Variants in ANO9 observed in about 807,000 individuals in gnomAD.
The protein encoded by ANO9 is anoctamin-9.
In ANO9, 80 loss-of-function variants were observed where a neutral mutation model predicts 100.5. That is an observed-to-expected ratio of 0.80 (90% confidence interval 0.66 to 0.96). ANO9 has a LOEUF of 0.96. Ranked by LOEUF, ANO9 falls within the 40% of genes least tolerant of loss-of-function variation. The probability of loss-of-function intolerance (pLI) is 0.00; values close to 1 mark genes in which losing one functional copy is unlikely to be tolerated. For missense variants in ANO9, 1,064 were observed against 1,072.7 expected, an observed-to-expected ratio of 0.99 and a Z score of 0.11; for synonymous variants, 473 against 435.6, an observed-to-expected ratio of 1.09 and a Z score of -1.07.
rs1428377220 is a variant in ANO9 at position 420,992 on chromosome 11, G to A, written c.1443C>T (p.Ile481=). Residue 481 remains isoleucine, a synonymous_variant, in exon 17 of 23, where the codon ATC becomes ATT. Transcript: ENST00000332826. Reference sequence around the variant, plus strand: ...TGCTGAGCGTCTGCTTCAGGCCCATGATGATGGCCATCTGCACGAAGAGGT... The same window carrying A: ...TGCTGAGCGTCTGCTTCAGGCCCATAATGATGGCCATCTGCACGAAGAGGT... The part of the protein sequence containing the change: ...MMDLFVQMAI[I]MGLKQTLSNC... 9 of 1,607,260 alleles carry A rather than the reference G, an allele frequency of 5.6e-6. No homozygotes were observed. The highest frequency in any genetic ancestry group is 7.7e-6 in the Non-Finnish European group (9 of 1,175,828).
At position 420,533 on chromosome 11, in the gene ANO9, C is replaced by T; in HGVS notation, c.1716G>A (p.Glu572=). The T allele has an allele frequency of 1.2e-6, 2 of 1,606,260 alleles. No individual in the cohort carries two copies. The highest frequency in any genetic ancestry group is 1.7e-6 in the Non-Finnish European group (2 of 1,179,596). Residue 572 remains glutamate, a synonymous_variant, in exon 19 of 23, where the codon GAG becomes GAA. Coordinates refer to ENST00000332826, the MANE Select transcript of ANO9 (RefSeq NM_001012302.3). The part of the protein sequence containing the change: ...PLLALFSNLV[E]IRLDAIKMVW... ...CCATCTTGATGGCGTCCAGGCGGAT[C>T]TCCACGAGGTTGCTGAAGAGCGCGA...
chr11:441,381 C>T (rs1328072781), intron 1 of ANO9, among the ~76,000 whole-genome samples: 2 of 152,122 alleles, frequency 1.3e-5, no homozygotes, highest in Non-Finnish European at 2.9e-5. Context: ...CCCCCAGAAT[C>T]GGAATCCAGC....
intron 15 of ANO9, among the ~76,000 whole-genome samples, chr11:425,977 G>A (rs992922395): frequency 3.3e-5 from 5 of 151,894 alleles, no homozygotes; most frequent in African/African-American, 4.8e-5. Flanking sequence ...CATGATCCTC[G>A]TGCCTCGGCC....
rs140185330 is a variant in ANO9, at chr11:424,519, A to G, written c.1335-3321T>C. Among the ~76,000 whole-genome samples the G allele has an allele frequency of 4.0e-3, 614 of 152,354 alleles. 4 individuals carry two copies. The highest frequency in any genetic ancestry group is 0.02 in the Middle Eastern group (6 of 294). On this transcript the variant is annotated intron_variant, in intron 15 of 22. Coordinates refer to ENST00000332826, the MANE Select transcript of ANO9 (RefSeq NM_001012302.3). ...GGCTACTGTGCAGATTAAATGAGTT[A>G]ATGATAGAATGTGTGAGTGGGCAAT...
intron 1 of ANO9, among the ~76,000 whole-genome samples, chr11:439,575 A>AG (rs1301554174): frequency 6.6e-6 from 1 of 152,182 alleles, no homozygotes; most frequent in Non-Finnish European, 1.5e-5. Context: ...GTGCATGGGA[A>AG]GGTGTTTGGG....
intron 11 of ANO9, among the ~76,000 whole-genome samples, chr11:429,180 G>C (rs1184345341): frequency 7.1e-5 from 9 of 126,912 alleles, no homozygotes; most frequent in South Asian, 2.7e-4. Context: ...ACAGACACAG[G>C]GACACGCCTC....
In ANO9 at chr11:420,447, G is replaced by A; in HGVS notation, c.1786+16C>T. On this transcript the variant is annotated intron_variant, in intron 19 of 22. Transcript: ENST00000332826. ...GCCGCCCAGTTCCCGCCCATCCTGC[G>A]CCCGCCCGGTCTGACCGATGTCCTT... 1.3e-6 allele frequency: 2 copies of A among 1,598,684 alleles called. No homozygotes were observed. The highest frequency in any genetic ancestry group is 1.1e-5 in the South Asian group (1 of 90,672).
chr11:441,741 A>G (rs1845888931), intron 1 of ANO9, among the ~76,000 whole-genome samples, 180 bp downstream of exon 1: 1 of 152,078 alleles, frequency 6.6e-6, no homozygotes, highest in Non-Finnish European at 1.5e-5. Flanking sequence ...CCAGGAGTCC[A>G]GGAGGCAGCT....
chr11:433,260 T>A, intron 4 of ANO9, 54 bp downstream of exon 4: 1 of 1,589,338 alleles, frequency 6.3e-7, no homozygotes. Context: ...TCTGGACCAA[T>A]CACACAGGTG....
chr11:439,032 C>T lies in ANO9; in HGVS notation c.6+2889G>A, dbSNP rs191415890. 3.1e-3 allele frequency among the ~76,000 whole-genome samples: 478 copies of T among 152,290 alleles called. 1 individual carries two copies. Among genetic ancestry groups the T allele is most frequent in the African/African-American group, 0.01 (430 of 41,556 alleles). ...ACAGCCGGCCAGGCCCTAGCTCTGACGCCACCGAAACACCCCAGGCCTCAG... is the reference window on the plus strand; with the variant it reads ...ACAGCCGGCCAGGCCCTAGCTCTGATGCCACCGAAACACCCCAGGCCTCAG... On this transcript the variant is annotated intron_variant, in intron 1 of 22. Transcript: ENST00000332826.
At chr11:435,724 G>A (rs1413836657) in intron 1 of ANO9, among the ~76,000 whole-genome samples, 3 of 151,684 alleles carry the variant, frequency 2.0e-5, no homozygotes, top group Non-Finnish European at 2.9e-5. Context: ...GGATAGCATA[G>A]CATAGCATAA....
Position 433,807 on chromosome 11 carries a change from C to T in ANO9, c.204+8G>A, listed in dbSNP as rs1849233837. 4 of 1,556,812 alleles carry T rather than the reference C, an allele frequency of 2.6e-6. No individual in the cohort carries two copies. The highest frequency in any genetic ancestry group is 2.6e-6 in the Non-Finnish European group (3 of 1,150,630). ...CATGGCCCTGCCCCTCGCTGGGCAC[C>T]CGCCCACCTTAATGTGGAAGCCCTT... On this transcript the variant is annotated splice_region_variant and intron_variant, in intron 3 of 22. Transcript: ENST00000332826.
chr11:435,396 A>ATAGTC (rs1291469113), intron 1 of ANO9, among the ~76,000 whole-genome samples: 2 of 152,034 alleles, frequency 1.3e-5, no homozygotes, highest in Non-Finnish European at 2.9e-5. Context: ...ATAATATGGT[A>ATAGTC]TAGTCTAGTA....
intron 15 of ANO9, among the ~76,000 whole-genome samples, chr11:426,584 A>C (rs529104882): frequency 6.6e-6 from 1 of 152,244 alleles, no homozygotes; most frequent in Non-Finnish European, 1.5e-5. Context: ...AAAAGTAAAT[A>C]AATAAAAATA....
At chr11:433,484 C>A (rs1316291809) in intron 3 of ANO9, 25 bp from the exon 4 acceptor site, 5 of 1,612,600 alleles carry the variant, frequency 3.1e-6, no homozygotes, top group Non-Finnish European at 3.4e-6. Flanking sequence ...GATCCTCTAT[C>A]CCACCTCAGA....
Position 431,871 on chromosome 11 carries a change from CA to C in ANO9, c.441del (p.Phe147LeufsTer14). On this transcript the variant is annotated frameshift_variant, in exon 6 of 23. Coordinates refer to ENST00000332826, the MANE Select transcript of ANO9 (RefSeq NM_001012302.3). LOFTEE classifies it high-confidence loss of function. Reference protein sequence around the residue: ...TFEDLMKDGVFEARFPLHKGE... With the variant: ...TFEDLMKDGVXEARFPLHKGE... ...ACCTTGTGCAGGGGGAACCTGGCCT[CA>C]AAGACCCCGTCCTTCATCAGATCCT... is the stretch of plus-strand genomic sequence containing the variant. 6.2e-7 allele frequency: 1 copy of C among 1,610,888 alleles called. No homozygotes were observed. The highest frequency in any genetic ancestry group is 8.5e-7 in the Non-Finnish European group (1 of 1,178,274).
intron 11 of ANO9, 116 bp downstream of exon 11, chr11:429,454 G>A: frequency 1.3e-6 from 2 of 1,509,902 alleles, no homozygotes; most frequent in Non-Finnish European, 1.8e-6. Flanking sequence ...CATGTGGGGA[G>A]ACAGACTCGG....
intron 6 of ANO9, 21 bp from the exon 7 acceptor site, chr11:431,788 T>C: frequency 1.2e-6 from 2 of 1,612,032 alleles, no homozygotes; most frequent in Non-Finnish European, 1.7e-6. Context: ...TGACAGAGAG[T>C]GAGAGCCCCC....
rs1192851564 is a variant in ANO9 at position 421,972 on chromosome 11, T to A, written c.1335-774A>T. Among the ~76,000 whole-genome samples, 2 of 152,142 alleles carry A rather than the reference T, an allele frequency of 1.3e-5. No homozygotes were observed. The highest frequency in any genetic ancestry group is 4.8e-5 in the African/African-American group (2 of 41,428). The stretch of plus-strand genomic sequence containing the variant: ...ATTTGCAAAGAAAAAAATGACTCTT[T>A]TAGAAAACATGATTATGTACCTGGA... On this transcript the variant is annotated intron_variant, in intron 15 of 22. Transcript: ENST00000332826. This position sits in a 1 kb window ranked among gnomAD's most constrained non-coding sequence, Gnocchi z 6.8.
Sources: gnomAD v4.1 joint callset for allele counts (sites outside exome capture counted in the v4.1 genomes callset) on GRCh38, gnomAD v4.1.1 for gene constraint, Gnocchi (gnomAD v3.1) non-coding constraint, MANE v1.5 for transcripts, NCBI Gene and HGNC (gene_info 2026-07-23, HGNC 2026-07-21) for gene names.